LBP: variants seen among roughly 807,000 people sequenced by gnomAD.
The protein encoded by LBP is lipopolysaccharide-binding protein.
LBP carries 53 observed loss-of-function variants against 56.6 expected under a neutral mutation model. The observed-to-expected ratio is 0.94, with a 90% CI of 0.75 to 1.18. LBP has a LOEUF of 1.18. LBP is among the 50% of genes most tolerant of loss of function. The pLI, the probability that LBP is intolerant of heterozygous loss-of-function variation, is 0.00. For missense variants in LBP, 601 were observed against 598.3 expected, an observed-to-expected ratio of 1.00 and a Z score of -0.05; for synonymous variants, 227 against 247.5, an observed-to-expected ratio of 0.92 and a Z score of 0.78.
intron 10 of LBP, among the ~76,000 whole-genome samples, chr20:38,369,890 T>C (rs2076895345): frequency 6.6e-6 from 1 of 152,176 alleles, no homozygotes; most frequent in Admixed American, 6.5e-5. Flanking sequence ...CTCTGTCTAA[T>C]AGGGAAGGGA....
At chr20:38,355,277 C>T (rs1180265522) in intron 4 of LBP, 69 bp from the exon 5 acceptor site, 1 of 1,425,430 alleles carries the variant, frequency 7.0e-7, no homozygotes, top group African/African-American at 1.4e-5. Flanking sequence ...TGACCAGGGA[C>T]CAGGGCCTGG....
chr20:38,368,280 A>C (rs1219551957), intron 9 of LBP, among the ~76,000 whole-genome samples: 1 of 151,994 alleles, frequency 6.6e-6, no homozygotes, highest in Admixed American at 6.6e-5. Context: ...CTGGAGGACA[A>C]TTTGGCAATA....
chr20:38,365,701 A>AT (rs2076878244), intron 8 of LBP, among the ~76,000 whole-genome samples: 4 of 59,660 alleles, frequency 6.7e-5, no homozygotes, highest in African/African-American at 2.5e-4. Context: ...CATCTCAAAA[A>AT]AAAAAAAAAA....
chr20:38,363,565 C>T (rs2076869416), intron 6 of LBP, among the ~76,000 whole-genome samples: 1 of 152,196 alleles, frequency 6.6e-6, no homozygotes, highest in African/African-American at 2.4e-5. Flanking sequence ...GTCGGCAACC[C>T]GGTACTGGGA....
At chr20:38,347,207 T>C (rs941890197) in intron 1 of LBP, among the ~76,000 whole-genome samples, 2 of 152,208 alleles carry the variant, frequency 1.3e-5, no homozygotes, top group African/African-American at 2.4e-5. Context: ...ACCTTTAAAA[T>C]TTGTGCCCGT....
intron 2 of LBP, 149 bp downstream of exon 2, chr20:38,349,811 A>C (rs912457765): frequency 3.0e-5 from 18 of 608,158 alleles, no homozygotes; most frequent in Non-Finnish European, 4.6e-5. Context: ...AGAGCTCAGA[A>C]GGAAATTCTG....
chr20:38,370,974 T>G (rs1296532668), intron 11 of LBP, among the ~76,000 whole-genome samples, 169 bp downstream of exon 11: 1 of 152,200 alleles, frequency 6.6e-6, no homozygotes, highest in Non-Finnish European at 1.5e-5. Context: ...CCCACAAATC[T>G]CAAATTGTTA....
intron 13 of LBP, among the ~76,000 whole-genome samples, chr20:38,373,611 C>T (rs1305045554): frequency 6.6e-6 from 1 of 152,186 alleles, no homozygotes; most frequent in African/African-American, 2.4e-5. Context: ...GGGAGTGGAA[C>T]GCCCTGTTCT....
intron 12 of LBP, 109 bp downstream of exon 12, chr20:38,371,431 T>A (rs1448498020): frequency 3.6e-6 from 3 of 841,068 alleles, no homozygotes; most frequent in Non-Finnish European, 5.7e-6. Context: ...GAAGAGTTGA[T>A]TTTTTGCCCT....
intron 1 of LBP, among the ~76,000 whole-genome samples, chr20:38,348,792 T>TTTAGTTTAGTTTA (rs1600721185): frequency 0.11 from 4,719 of 41,102 alleles, 89 homozygotes; most frequent in South Asian, 0.2. Flanking sequence ...AGTTTAGTTT[T>TTTAGTTTAGTTTA]GTTTTGTTTT....
intron 12 of LBP, among the ~76,000 whole-genome samples, chr20:38,372,473 C>T (rs1005988039): frequency 2.0e-5 from 3 of 152,222 alleles, no homozygotes; most frequent in Non-Finnish European, 4.4e-5. Context: ...AAAATCCATC[C>T]TGTCGGGTTT....
intron 5 of LBP, among the ~76,000 whole-genome samples, chr20:38,359,303 G>T (rs1405190190): frequency 6.6e-6 from 1 of 152,070 alleles, no homozygotes. Flanking sequence ...AGCTGGGGCC[G>T]GGCATGGTGG....
rs570437066 is a variant in LBP at position 38,355,241 on chromosome 20, G to T, written c.525-105G>T. 3.6e-5 allele frequency: 36 copies of T among 992,058 alleles called. No individual in the cohort carries two copies. The Admixed American group carries it at 4.3e-4, about 12-fold the overall frequency. 61.5% of individuals were successfully genotyped at this position (992,058 alleles called of 1,614,324 possible). On this transcript the variant is annotated intron_variant, in intron 4 of 14. Coordinates refer to ENST00000217407, the MANE Select transcript of LBP (RefSeq NM_004139.5). The stretch of plus-strand genomic sequence containing the variant: ...CACAGCAGGGCGCCGGGAAGGGGTG[G>T]AGAGGGCTCCCTTTGTGGACTGGCC...
intron 7 of LBP, among the ~76,000 whole-genome samples, chr20:38,364,300 G>T (rs2076872734): frequency 6.6e-6 from 1 of 152,064 alleles, no homozygotes; most frequent in Non-Finnish European, 1.5e-5. Flanking sequence ...CCCCTACTTT[G>T]CCTTGCCCAT....
chr20:38,367,980 C>T (rs139111516), intron 9 of LBP, among the ~76,000 whole-genome samples: 18 of 151,666 alleles, frequency 1.2e-4, no homozygotes, highest in African/African-American at 4.4e-4. Flanking sequence ...TAGCTTGAGG[C>T]CAGGAGTTCA....
chr20:38,364,521 C>A, intron 7 of LBP, 55 bp from the exon 8 acceptor site: 1 of 1,555,896 alleles, frequency 6.4e-7, no homozygotes, highest in Non-Finnish European at 8.9e-7. Flanking sequence ...AATACCTAGC[C>A]CCTGCCCCAC....
intron 5 of LBP, 141 bp from the exon 6 acceptor site, chr20:38,360,563 G>A (rs1395030492): frequency 6.4e-6 from 4 of 626,046 alleles, no homozygotes; most frequent in Non-Finnish European, 1.2e-5. Flanking sequence ...CTTGGTACCT[G>A]GCTCATGACA....
chr20:38,374,016 C>A lies in LBP; in HGVS notation c.1401+3C>A. The A allele has an allele frequency of 6.2e-7, 1 of 1,613,848 alleles. No individual in the cohort carries two copies. Among genetic ancestry groups the A allele is most frequent in the South Asian group, 1.1e-5 (1 of 91,056 alleles). ...ACCTTGGGCTGCAGATCCATAAGGT[C>A]GGTGGGTTCAGGGGGGCTCTGAGGA... On this transcript the variant is annotated splice_donor_region_variant and intron_variant, in intron 14 of 14. Coordinates refer to ENST00000217407, the MANE Select transcript of LBP (RefSeq NM_004139.5).
chr20:38,369,210 T>G (rs2076893145), intron 10 of LBP, 48 bp downstream of exon 10: 1 of 1,536,216 alleles, frequency 6.5e-7, no homozygotes, highest in South Asian at 1.2e-5. Context: ...CCCCACATGC[T>G]TTTCCCTTTT....
Sources: allele counts gnomAD v4.1 joint callset (sites outside exome capture counted in the v4.1 genomes callset), GRCh38; gene constraint gnomAD v4.1.1; transcripts MANE v1.5; gene names NCBI Gene and HGNC (gene_info 2026-07-23, HGNC 2026-07-21).